PCDHGA4: variants seen among roughly 807,000 people sequenced by gnomAD.
PCDHGA4 encodes protocadherin gamma-A4.
Under a neutral mutation model 54.6 loss-of-function variants are expected in PCDHGA4, and 38 were observed. The observed-to-expected ratio is 0.70, with a 90% confidence interval of 0.54 to 0.91. PCDHGA4 has a LOEUF of 0.91. Ranked by LOEUF, PCDHGA4 falls within the 40% of genes least tolerant of loss-of-function variation. PCDHGA4 has a pLI of 0.00. For missense variants in PCDHGA4, 1,298 were observed against 1,220.9 expected (o/e 1.06, Z -0.94); for synonymous variants, 511 against 512.9 (o/e 1.00, Z 0.05).
chr5:141,437,651 CAT>C (rs1255783396), intron 1 of PCDHGA4, among the ~76,000 whole-genome samples: 2 of 151,990 alleles, frequency 1.3e-5, no homozygotes, highest in Non-Finnish European at 2.9e-5. Context: ...AAAGCAAACA[CAT>C]AGTTTCGAAG....
rs114492681 is a variant in PCDHGA4, at chr5:141,408,401, C to A, written c.2514+50780C>A. 1.5e-3 allele frequency: 2,364 copies of A among 1,614,010 alleles called. 32 individuals are homozygous for A. The African/African-American group carries it at 0.028, about 19-fold the overall frequency. On this transcript the variant is annotated intron_variant, in intron 1 of 3. Coordinates refer to ENST00000571252, the MANE Select transcript of PCDHGA4 (RefSeq NM_018917.4). ...CCTGGATGTGTCGGCTCGCAAGCTG[C>A]GAGTGAGCGCGGAGAAGCTGCACTT...
chr5:141,422,777 C>CCCTACAAT, intron 1 of PCDHGA4: 2 of 1,613,982 alleles, frequency 1.2e-6, no homozygotes, highest in Non-Finnish European at 1.7e-6. Context: ...GTTCTCTATG[C>CCCTACAAT]CCTACAATCC....
At chr5:141,404,296 T>C in intron 1 of PCDHGA4, 1 of 1,613,946 alleles carries the variant, frequency 6.2e-7, no homozygotes, top group Non-Finnish European at 8.5e-7. Flanking sequence ...TCAATGATAA[T>C]CCACCTGCTT....
intron 1 of PCDHGA4, chr5:141,409,463 A>G (rs751200597): frequency 1.2e-6 from 2 of 1,613,744 alleles, no homozygotes; most frequent in Non-Finnish European, 1.7e-6. Context: ...ATACAATGTC[A>G]CCATCGTAGC....
chr5:141,355,262 G>A lies in PCDHGA4; in HGVS notation c.155G>A (p.Gly52Glu), dbSNP rs374875511. ...TRLLQICLLL[G>E]VLVEIRAEQI... ...CTGCTCCAGATCTGCCTTCTCCTGG[G>A]GGTTCTGGTGGAAATCAGGGCCGAA... The change falls in exon 1 of 4, where the codon GGG (glycine) becomes GAG (glutamate). Residue 52 changes from glycine to glutamate, a missense_variant. By Grantham distance (98) the Gly-to-Glu change is moderately conservative (BLOSUM62 -2). Transcript: ENST00000571252. The A allele has an allele frequency of 3.7e-6, 6 of 1,613,470 alleles. No homozygotes were observed. The highest frequency in any genetic ancestry group is 5.1e-6 in the Non-Finnish European group (6 of 1,179,900).
chr5:141,422,686 C>T, intron 1 of PCDHGA4: 1 of 1,605,000 alleles, frequency 6.2e-7, no homozygotes, highest in East Asian at 2.2e-5. Flanking sequence ...ACAGAATGCC[C>T]TGGTCACTTA....
rs757503771 is a variant in PCDHGA4 at position 141,433,052 on chromosome 5, A to C, written c.2515-61755A>C. 31 of 1,614,060 alleles carry C rather than the reference A, an allele frequency of 1.9e-5. No homozygotes were observed. Among genetic ancestry groups the C allele is most frequent in the Non-Finnish European group, 1.8e-5 (21 of 1,180,044 alleles). On this transcript the variant is annotated intron_variant, in intron 1 of 3. Coordinates refer to ENST00000571252, the MANE Select transcript of PCDHGA4 (RefSeq NM_018917.4). ...GGTTTCCCTCACCACGGACTCGCGG[A>C]AGAGTCACCTGATCTTCCCCCAGCC...
At chr5:141,447,121 T>C (rs1341601610) in intron 1 of PCDHGA4, among the ~76,000 whole-genome samples, 1 of 152,104 alleles carries the variant, frequency 6.6e-6, no homozygotes, top group Non-Finnish European at 1.5e-5. Flanking sequence ...CTCCATGGAT[T>C]TTTTTGTTTG....
intron 1 of PCDHGA4, chr5:141,393,113 G>A: frequency 1.2e-6 from 2 of 1,613,500 alleles, no homozygotes; most frequent in Non-Finnish European, 8.5e-7. Context: ...CTCAGAGCCC[G>A]CGGTGTCTGA....
At chr5:141,365,053 G>C (rs1588608159) in intron 1 of PCDHGA4, 10 of 1,613,802 alleles carry the variant, frequency 6.2e-6, no homozygotes, top group Non-Finnish European at 8.5e-6. Context: ...ATGCGCCCCT[G>C]TTCACCCCAT....
At chr5:141,417,718 G>T in intron 1 of PCDHGA4, 1 of 1,304,720 alleles carries the variant, frequency 7.7e-7, no homozygotes. Context: ...GCTCCCGGCT[G>T]CGCAGACCTT....
At chr5:141,404,481 A>T in intron 1 of PCDHGA4, 1 of 1,613,836 alleles carries the variant, frequency 6.2e-7, no homozygotes, top group Non-Finnish European at 8.5e-7. Context: ...ATTAACTCAG[A>T]CACTGGTGTG....
chr5:141,394,419 G>A, intron 1 of PCDHGA4: 1 of 1,614,224 alleles, frequency 6.2e-7, no homozygotes, highest in Non-Finnish European at 8.5e-7. Context: ...AACAGCCAGC[G>A]ACAGCGGGGA....
chr5:141,501,299 AC>A (rs1446641380), intron 2 of PCDHGA4, among the ~76,000 whole-genome samples: 1 of 149,208 alleles, frequency 6.7e-6, no homozygotes, highest in African/African-American at 2.5e-5. Flanking sequence ...ATACACACAC[AC>A]ACACACACAC....
intron 1 of PCDHGA4, chr5:141,393,645 G>A (rs2092814255): frequency 6.2e-7 from 1 of 1,613,752 alleles, no homozygotes; most frequent in Non-Finnish European, 8.5e-7. Flanking sequence ...CGGAAAAGTG[G>A]CATACAAATT....
At position 141,489,963 on chromosome 5, in the gene PCDHGA4, C is replaced by A. The variant is rs779260164; in HGVS notation, c.2515-4844C>A. On this transcript the variant is annotated intron_variant, in intron 1 of 3. Coordinates refer to ENST00000571252, the MANE Select transcript of PCDHGA4 (RefSeq NM_018917.4). This position sits in a 1 kb window ranked among gnomAD's most constrained non-coding sequence, Gnocchi z 4.5. Reference sequence around the variant, plus strand: ...TGGACATCAATGATAATGCTCCAACCTTCCAATCCTCAGTTCTACGTGTGG... The same window carrying A: ...TGGACATCAATGATAATGCTCCAACATTCCAATCCTCAGTTCTACGTGTGG... The A allele has an allele frequency of 8.1e-6, 13 of 1,614,184 alleles. No homozygotes were observed. In the East Asian group the frequency reaches 2.2e-4, roughly 28 times the overall value.
chr5:141,475,116 C>G (rs1383017919), intron 1 of PCDHGA4, among the ~76,000 whole-genome samples: 2 of 152,128 alleles, frequency 1.3e-5, no homozygotes, highest in African/African-American at 4.8e-5. Context: ...GTAAATAGGC[C>G]TGGCTTTTTT....
intron 1 of PCDHGA4, chr5:141,370,952 G>A (rs771842532): frequency 6.2e-7 from 1 of 1,613,990 alleles, no homozygotes; most frequent in East Asian, 2.2e-5. Context: ...AGGAGAACCT[G>A]GATGGCAGTA....
At chr5:141,370,644 T>G in intron 1 of PCDHGA4, 1 of 1,613,920 alleles carries the variant, frequency 6.2e-7, no homozygotes, top group African/African-American at 1.3e-5. Flanking sequence ...AAATGGGAAC[T>G]TACTTGTGAG....
Sources: allele counts gnomAD v4.1 joint callset (sites outside exome capture counted in the v4.1 genomes callset), GRCh38; gene constraint gnomAD v4.1.1; non-coding constraint Gnocchi (gnomAD v3.1); transcripts MANE v1.5; gene names NCBI Gene and HGNC (gene_info 2026-07-23, HGNC 2026-07-21).